Variants in GAD2 observed in about 807,000 individuals in gnomAD.
GAD2 encodes 65 kDa glutamic acid decarboxylase.
GAD2 carries 22 observed loss-of-function variants against 80.1 expected under a neutral mutation model. The ratio of observed to expected loss-of-function variants is 0.27; its 90% CI spans 0.20 to 0.39. The LOEUF is 0.39. GAD2 is among the 10% of genes least tolerant of loss of function. The pLI, the probability that GAD2 is intolerant of heterozygous loss-of-function variation, is 1.00. For missense variants in GAD2, 624 were observed against 738.4 expected, an observed-to-expected ratio of 0.85 and a Z score of 1.80; for synonymous variants, 274 against 256.9, an observed-to-expected ratio of 1.07 and a Z score of -0.64.
chr10:26,249,063 C>CT (rs951896187), intron 8 of GAD2, among the ~76,000 whole-genome samples: 5 of 152,028 alleles, frequency 3.3e-5, no homozygotes, highest in Admixed American at 2.0e-4. Context: ...GAAATTGCCT[C>CT]TTTTTTTGGC....
intron 8 of GAD2, among the ~76,000 whole-genome samples, chr10:26,263,543 T>C (rs1261014736): frequency 6.6e-6 from 1 of 152,204 alleles, no homozygotes; most frequent in East Asian, 1.9e-4. Context: ...TCCTGTGCAA[T>C]TCATCTTCAA....
At chr10:26,297,579 C>T (rs1431672798) in intron 15 of GAD2, among the ~76,000 whole-genome samples, 1 of 152,136 alleles carries the variant, frequency 6.6e-6, no homozygotes, top group Non-Finnish European at 1.5e-5. Context: ...TCTCAACTTG[C>T]GTTCTTTATT....
chr10:26,223,553 A>G (rs1489428840), intron 4 of GAD2, among the ~76,000 whole-genome samples: 1 of 152,166 alleles, frequency 6.6e-6, no homozygotes, highest in Non-Finnish European at 1.5e-5. Flanking sequence ...TTGAAAATAG[A>G]AAAGAGACTC....
intron 7 of GAD2, among the ~76,000 whole-genome samples, chr10:26,241,915 A>G (rs1844747936): frequency 6.6e-6 from 1 of 152,034 alleles, no homozygotes; most frequent in South Asian, 2.1e-4. Context: ...CTTTGCTAAA[A>G]CATCTCCCCT....
intron 8 of GAD2, among the ~76,000 whole-genome samples, chr10:26,255,359 G>T (rs1264500990): frequency 6.6e-6 from 1 of 152,196 alleles, no homozygotes. Context: ...CAGTGGAGGG[G>T]TGAGGGCAGA....
intron 15 of GAD2, among the ~76,000 whole-genome samples, chr10:26,298,582 G>A (rs1834298690): frequency 6.6e-6 from 1 of 152,146 alleles, no homozygotes; most frequent in Non-Finnish European, 1.5e-5. Context: ...TTAATAATTA[G>A]TGCCATTCTT....
intron 11 of GAD2, among the ~76,000 whole-genome samples, chr10:26,276,289 G>A (rs1253116582): frequency 6.6e-6 from 1 of 152,176 alleles, no homozygotes; most frequent in Non-Finnish European, 1.5e-5. Flanking sequence ...AGCACTGTCA[G>A]AATGTCGAGA....
intron 8 of GAD2, among the ~76,000 whole-genome samples, chr10:26,260,804 C>A (rs1845000587): frequency 6.6e-6 from 1 of 152,142 alleles, no homozygotes; most frequent in Non-Finnish European, 1.5e-5. Flanking sequence ...GGAATTAAAA[C>A]CTTAAGTGAT....
chr10:26,281,413 G>A (rs1484260832), intron 12 of GAD2, among the ~76,000 whole-genome samples: 3 of 151,928 alleles, frequency 2.0e-5, no homozygotes, highest in Non-Finnish European at 4.4e-5. Flanking sequence ...TAAATTTCCA[G>A]GTTTTTTTTC....
chr10:26,249,376 G>A lies in GAD2; in HGVS notation c.920+3376G>A, dbSNP rs559688184. ...AGGCTACCAGTGTTCCTCAGTAGCC[G>A]GTACTTAAGAACTGAGATTTGAAGA... On this transcript the variant is annotated intron_variant, in intron 8 of 15. Coordinates refer to ENST00000376261, the MANE Select transcript of GAD2 (RefSeq NM_001134366.2). 3.9e-5 allele frequency among the ~76,000 whole-genome samples: 6 copies of A among 152,258 alleles called. No homozygotes were observed. In the South Asian group the frequency reaches 6.2e-4, roughly 16 times the overall value.
chr10:26,286,404 T>C lies in GAD2; in HGVS notation c.1296T>C (p.His432=). The C allele has an allele frequency of 6.2e-7, 1 of 1,613,990 alleles. No homozygotes were observed. The highest frequency in any genetic ancestry group is 8.5e-7 in the Non-Finnish European group (1 of 1,179,910). Residue 432 remains histidine, a synonymous_variant, in exon 13 of 16, where the codon CAT becomes CAC. Transcript: ENST00000376261. ...HASYLFQQDK[H]YDLSYDTGDK... ...CCTACCTCTTTCAGCAAGATAAACA[T>C]TATGACCTGTCCTATGACACTGGAG...
intron 13 of GAD2, among the ~76,000 whole-genome samples, chr10:26,292,208 C>T (rs1834223529): frequency 6.6e-6 from 1 of 152,104 alleles, no homozygotes. Flanking sequence ...AGTAGTCAAA[C>T]TAATTGCCTG....
At chr10:26,290,235 T>G (rs1431303184) in intron 13 of GAD2, among the ~76,000 whole-genome samples, 1 of 152,206 alleles carries the variant, frequency 6.6e-6, no homozygotes, top group East Asian at 1.9e-4. Flanking sequence ...ATAAGAAGGC[T>G]CTCATTTTCC....
At position 26,217,558 on chromosome 10, in the gene GAD2, G is replaced by A. The variant is rs1311769020; in HGVS notation, c.77-52G>A. The A allele has an allele frequency of 2.6e-6, 4 of 1,552,666 alleles. No homozygotes were observed. The highest frequency in any genetic ancestry group is 2.6e-6 in the Non-Finnish European group (3 of 1,137,610). The stretch of plus-strand genomic sequence containing the variant: ...ACATAGAACGAAATTTCACACGTCC[G>A]TCTGTTGTTCTCTTTCTGCCTCGCT... On this transcript the variant is annotated intron_variant, in intron 1 of 15. Transcript: ENST00000376261. This position sits in a 1 kb window ranked among gnomAD's most constrained non-coding sequence, Gnocchi z 4.9.
chr10:26,252,054 C>T (rs1392925069), intron 8 of GAD2, among the ~76,000 whole-genome samples: 1 of 152,210 alleles, frequency 6.6e-6, no homozygotes, highest in African/African-American at 2.4e-5. Flanking sequence ...GTAAGGCTGA[C>T]AAGGTGAGAG....
At chr10:26,223,323 T>C (rs1488010478) in intron 4 of GAD2, among the ~76,000 whole-genome samples, 1 of 152,218 alleles carries the variant, frequency 6.6e-6, no homozygotes, top group East Asian at 1.9e-4. Context: ...GGCAAATCAT[T>C]CAGCAGAGTG....
At chr10:26,262,930 G>A (rs1346244756) in intron 8 of GAD2, among the ~76,000 whole-genome samples, 4 of 152,016 alleles carry the variant, frequency 2.6e-5, no homozygotes, top group African/African-American at 9.7e-5. Context: ...ATGTGAGGTG[G>A]TCAGCACACC....
chr10:26,282,384 C>A (rs1369782972), intron 12 of GAD2, among the ~76,000 whole-genome samples: 4 of 151,692 alleles, frequency 2.6e-5, no homozygotes, highest in African/African-American at 4.8e-5. Flanking sequence ...TAGGGATAAC[C>A]ATTATTACCA....
At chr10:26,260,670 C>T (rs1844998778) in intron 8 of GAD2, among the ~76,000 whole-genome samples, 1 of 152,014 alleles carries the variant, frequency 6.6e-6, no homozygotes, top group African/African-American at 2.4e-5. Flanking sequence ...TTTCTGAGCC[C>T]AGGACTGTGT....
Sources: allele counts gnomAD v4.1 joint callset (sites outside exome capture counted in the v4.1 genomes callset), GRCh38; gene constraint gnomAD v4.1.1; non-coding constraint Gnocchi (gnomAD v3.1); transcripts MANE v1.5; gene names NCBI Gene and HGNC (gene_info 2026-07-23, HGNC 2026-07-21).